Variants in TENM4 observed in about 807,000 individuals in gnomAD.
The protein encoded by TENM4 is teneurin transmembrane protein 4.
A neutral mutation model predicts 243.3 loss-of-function variants in TENM4; 82 were observed. The observed-to-expected ratio is 0.34, with a 90% CI of 0.28 to 0.40. The LOEUF (loss-of-function observed/expected upper bound fraction) is 0.40. Among genes scored for constraint, TENM4 ranks in the 10% least tolerant of loss-of-function variants. The pLI, the probability that TENM4 is intolerant of heterozygous loss-of-function variation, is 1.00. For missense variants in TENM4, 3,138 were observed against 3,673.3 expected (o/e 0.85, Z 3.77); for synonymous variants, 1,412 against 1,456.3 (o/e 0.97, Z 0.69).
intron 9 of TENM4, among the ~76,000 whole-genome samples, chr11:78,864,291 G>A (rs554904662): frequency 9.9e-5 from 15 of 151,658 alleles, no homozygotes; most frequent in African/African-American, 3.4e-4. Flanking sequence ...AAAATTAGCC[G>A]GGCGTAGTGG....
At chr11:79,202,635 G>C (rs763867450) in intron 3 of TENM4, among the ~76,000 whole-genome samples, 3 of 152,188 alleles carry the variant, frequency 2.0e-5, no homozygotes, top group Non-Finnish European at 2.9e-5. Context: ...TGCCAGGTTG[G>C]GACAGTCCAG....
chr11:79,070,044 G>C, intron 4 of TENM4, 35 bp from the exon 5 acceptor site: 1 of 1,470,052 alleles, frequency 6.8e-7, no homozygotes, highest in Non-Finnish European at 9.0e-7. Context: ...GGGCGTGAGA[G>C]GCAGAGAACA....
At chr11:78,938,295 C>A (rs921720332) in intron 6 of TENM4, among the ~76,000 whole-genome samples, 2 of 152,168 alleles carry the variant, frequency 1.3e-5, no homozygotes, top group African/African-American at 4.8e-5. Context: ...TTTAGATTCA[C>A]CTAAAACTTG....
chr11:78,820,058 A>C (rs1857693615), intron 12 of TENM4, among the ~76,000 whole-genome samples: 1 of 152,206 alleles, frequency 6.6e-6, no homozygotes, highest in African/African-American at 2.4e-5. Flanking sequence ...TTGCTCCTGA[A>C]ATAGAAGGGC....
At chr11:79,031,770 A>C (rs1490419236) in intron 6 of TENM4, among the ~76,000 whole-genome samples, 2 of 152,218 alleles carry the variant, frequency 1.3e-5, no homozygotes, top group Non-Finnish European at 2.9e-5. Context: ...AACGTGAGTG[A>C]ACGTTGCTTC....
intron 1 of TENM4, among the ~76,000 whole-genome samples, chr11:79,390,691 G>A (rs908186816): frequency 6.6e-6 from 1 of 152,154 alleles, no homozygotes; most frequent in African/African-American, 2.4e-5. Flanking sequence ...TGCCACATTA[G>A]TCCCTGGGCT....
chr11:79,261,358 G>T (rs1855793499), intron 2 of TENM4, among the ~76,000 whole-genome samples: 1 of 152,188 alleles, frequency 6.6e-6, no homozygotes, highest in Non-Finnish European at 1.5e-5. Context: ...AGGGGCTGTG[G>T]AATGGACATT....
At chr11:78,917,689 G>C (rs1312334111) in intron 6 of TENM4, among the ~76,000 whole-genome samples, 1 of 152,144 alleles carries the variant, frequency 6.6e-6, no homozygotes, top group Non-Finnish European at 1.5e-5. Flanking sequence ...TTGAAGGCTT[G>C]CTGGGCTGCT....
chr11:79,195,243 G>A (rs1383041178), intron 3 of TENM4, among the ~76,000 whole-genome samples: 3 of 152,198 alleles, frequency 2.0e-5, no homozygotes, highest in African/African-American at 7.2e-5. Context: ...CTCTGCTAGG[G>A]CAGTATAGAA....
intron 23 of TENM4, 140 bp downstream of exon 23, chr11:78,725,939 C>T: frequency 8.6e-7 from 1 of 1,166,860 alleles, no homozygotes; most frequent in South Asian, 1.5e-5. Context: ...GGTCTTCAAG[C>T]AATATCTGTT....
At chr11:78,714,928 G>T (rs563217617) in intron 25 of TENM4, among the ~76,000 whole-genome samples, 1 of 152,340 alleles carries the variant, frequency 6.6e-6, no homozygotes, top group South Asian at 2.1e-4. Context: ...GTTCATTTAT[G>T]TGTGTGCCTC....
intron 1 of TENM4, among the ~76,000 whole-genome samples, chr11:79,416,466 T>A (rs1377655790): frequency 6.6e-6 from 1 of 152,202 alleles, no homozygotes; most frequent in African/African-American, 2.4e-5. Context: ...CTCTAATGAC[T>A]AATGATACTG....
At chr11:78,824,507 T>C (rs542917167) in intron 12 of TENM4, among the ~76,000 whole-genome samples, 72 of 150,904 alleles carry the variant, frequency 4.8e-4, no homozygotes, top group Non-Finnish European at 6.2e-4. Context: ...TTCTTTCTTT[T>C]TTTTTTTTTT....
At chr11:78,723,875 C>G (rs917368161) in intron 23 of TENM4, among the ~76,000 whole-genome samples, 7 of 152,184 alleles carry the variant, frequency 4.6e-5, no homozygotes, top group Non-Finnish European at 7.3e-5. Flanking sequence ...GTACTCTAAT[C>G]AATCATTTTT....
chr11:78,845,491 G>C (rs913117959), intron 12 of TENM4, among the ~76,000 whole-genome samples: 5 of 152,136 alleles, frequency 3.3e-5, no homozygotes, highest in African/African-American at 1.2e-4. Context: ...CATCTATCTG[G>C]TCAGCTCTAC....
At chr11:79,160,524 G>A (rs1010316610) in intron 3 of TENM4, among the ~76,000 whole-genome samples, 1 of 152,068 alleles carries the variant, frequency 6.6e-6, no homozygotes, top group African/African-American at 2.4e-5. Flanking sequence ...GCATCTCGGA[G>A]AGCAGCAGAC....
At chr11:79,401,972 A>G (rs1188156148) in intron 1 of TENM4, 1 of 347,160 alleles carries the variant, frequency 2.9e-6, no homozygotes, top group Non-Finnish European at 6.7e-6. Context: ...GATGGATGAG[A>G]TCCCTCAGGG....
intron 4 of TENM4, among the ~76,000 whole-genome samples, chr11:79,098,401 C>A (rs1193275769): frequency 6.6e-6 from 1 of 152,182 alleles, no homozygotes; most frequent in Non-Finnish European, 1.5e-5. Flanking sequence ...CTCATCACTT[C>A]CCAGGAATTT....
intron 4 of TENM4, among the ~76,000 whole-genome samples, chr11:79,131,570 G>A (rs570788667): frequency 6.6e-6 from 1 of 152,216 alleles, no homozygotes; most frequent in African/African-American, 2.4e-5. Flanking sequence ...CATCAAAACA[G>A]AACTTCTTTA....
Sources: allele counts gnomAD v4.1 joint callset (sites outside exome capture counted in the v4.1 genomes callset), GRCh38; gene constraint gnomAD v4.1.1; transcripts MANE v1.5; gene names NCBI Gene and HGNC (gene_info 2026-07-23, HGNC 2026-07-21).